ZNF704: variants seen among roughly 807,000 people sequenced by gnomAD.
The protein encoded by ZNF704 is glucocorticoid induced gene 1.
ZNF704 carries 10 observed loss-of-function variants against 44.7 expected under a neutral mutation model. The observed-to-expected ratio is 0.22, with a 90% CI of 0.14 to 0.38. The LOEUF (loss-of-function observed/expected upper bound fraction) is 0.38. Among genes scored for constraint, ZNF704 ranks in the 10% least tolerant of loss-of-function variants. The pLI, the probability that ZNF704 is intolerant of heterozygous loss-of-function variation, is 1.00. For synonymous variants in ZNF704, 211 were observed against 207.6 expected, an observed-to-expected ratio of 1.02 and a Z score of -0.14; for missense variants, 390 against 545.5, an observed-to-expected ratio of 0.71 and a Z score of 2.84.
In ZNF704 at chr8:80,718,446, AGTT is replaced by A. The variant is rs542225421; in HGVS notation, c.222-25342_222-25340del. Reference sequence around the variant, plus strand: ...TAGAGGTAGAGTATTCTTCCTCACCAGTTGTTGTTGGGGTTGGCTAGGGACTTG... The same window carrying A: ...TAGAGGTAGAGTATTCTTCCTCACCAGTTGTTGGGGTTGGCTAGGGACTTG... On this transcript the variant is annotated intron_variant, in intron 2 of 8. Transcript: ENST00000327835. 9.9e-5 allele frequency among the ~76,000 whole-genome samples: 15 copies of A among 152,206 alleles called. 1 individual carries two copies. In the East Asian group the frequency reaches 2.7e-3, roughly 27 times the overall value.
At chr8:80,808,770 T>C (rs1204601829) in intron 2 of ZNF704, among the ~76,000 whole-genome samples, 1 of 152,144 alleles carries the variant, frequency 6.6e-6, no homozygotes, top group Admixed American at 6.5e-5. Flanking sequence ...ATAATTGAGG[T>C]GATATTTTGA....
At chr8:80,807,076 C>G (rs1353553219) in intron 2 of ZNF704, among the ~76,000 whole-genome samples, 1 of 152,196 alleles carries the variant, frequency 6.6e-6, no homozygotes, top group Non-Finnish European at 1.5e-5. Context: ...CTCAGCTCAG[C>G]TGGGTATGAT....
Position 80,636,311 on chromosome 8 carries a change from G to T in ZNF704, c.*5055C>A, listed in dbSNP as rs954576049. The T allele has an allele frequency of 2.0e-5, 3 of 152,138 alleles. No homozygotes were observed. The highest frequency in any genetic ancestry group is 4.4e-5 in the Non-Finnish European group (3 of 68,010). 9.4% of individuals were successfully genotyped at this position (152,138 alleles called of 1,614,324 possible). A position where few individuals can be genotyped will look rare whatever the true frequency, so the allele number is the denominator to read the frequency against. Reference sequence around the variant, plus strand: ...AAAAAAGGAACTATTTACAAAACAGGACCAGAAGTAAAATTCCCATTTTGG... The same window carrying T: ...AAAAAAGGAACTATTTACAAAACAGTACCAGAAGTAAAATTCCCATTTTGG... On this transcript the variant is annotated 3_prime_UTR_variant, in exon 9 of 9. Coordinates refer to ENST00000327835, the MANE Select transcript of ZNF704 (RefSeq NM_001033723.3).
rs551911472 is a variant in ZNF704, at chr8:80,866,725, G to C, written c.-22+7846C>G. Among the ~76,000 whole-genome samples, 7 of 150,910 alleles carry C rather than the reference G, an allele frequency of 4.6e-5. No homozygotes were observed. The East Asian group carries it at 7.7e-4, about 17-fold the overall frequency. Reference sequence around the variant, plus strand: ...TCTAAGCCCCTCTTGCGGGGTTGGGGGGGGGATACATTAATCTAACTGGGA... The same window carrying C: ...TCTAAGCCCCTCTTGCGGGGTTGGGCGGGGGATACATTAATCTAACTGGGA... On this transcript the variant is annotated intron_variant, in intron 1 of 8. Transcript: ENST00000327835.
intron 7 of ZNF704, among the ~76,000 whole-genome samples, chr8:80,654,282 A>G (rs1316089313): frequency 6.6e-6 from 1 of 152,234 alleles, no homozygotes; most frequent in Non-Finnish European, 1.5e-5. Flanking sequence ...AGGCATGGAC[A>G]AGGACTTCAT....
At chr8:80,742,946 C>G (rs1018079914) in intron 2 of ZNF704, among the ~76,000 whole-genome samples, 2 of 152,062 alleles carry the variant, frequency 1.3e-5, no homozygotes, top group African/African-American at 4.8e-5. Flanking sequence ...CACCTTTAAA[C>G]ACAGGGCTTG....
At chr8:80,840,634 G>A (rs978917422) in intron 1 of ZNF704, among the ~76,000 whole-genome samples, 4 of 151,942 alleles carry the variant, frequency 2.6e-5, no homozygotes, top group African/African-American at 4.8e-5. Context: ...TCTATTCCCC[G>A]TCAGTCAAGT....
intron 1 of ZNF704, among the ~76,000 whole-genome samples, chr8:80,858,889 A>T (rs1298129398): frequency 4.6e-5 from 7 of 152,192 alleles, no homozygotes; most frequent in Non-Finnish European, 1.0e-4. Context: ...TATAGTGTAC[A>T]TTCATATTCA....
At chr8:80,650,828 A>T (rs563909635) in intron 7 of ZNF704, among the ~76,000 whole-genome samples, 11 of 152,276 alleles carry the variant, frequency 7.2e-5, no homozygotes, top group African/African-American at 2.6e-4. Context: ...CCACAAAGAT[A>T]CTCCTTGAGA....
intron 3 of ZNF704, among the ~76,000 whole-genome samples, chr8:80,687,786 G>A (rs1183462459): frequency 6.6e-6 from 1 of 152,118 alleles, no homozygotes; most frequent in East Asian, 1.9e-4. Context: ...ACTAAGTTTG[G>A]GGAGCTCTGG....
Position 80,738,803 on chromosome 8 carries a change from A to C in ZNF704, c.222-45696T>G, listed in dbSNP as rs1270218523. On this transcript the variant is annotated intron_variant, in intron 2 of 8. Transcript: ENST00000327835. Reference sequence around the variant, plus strand: ...GTACACAGGTACTCAGCAGATACTTATTGGCTGAAAAGAAAATGACTCTTC... The same window carrying C: ...GTACACAGGTACTCAGCAGATACTTCTTGGCTGAAAAGAAAATGACTCTTC... 5.3e-5 allele frequency among the ~76,000 whole-genome samples: 8 copies of C among 152,120 alleles called. No individual in the cohort carries two copies. In the East Asian group the frequency reaches 1.5e-3, roughly 29 times the overall value.
intron 7 of ZNF704, among the ~76,000 whole-genome samples, chr8:80,648,501 T>C (rs1194675602): frequency 6.6e-6 from 1 of 152,212 alleles, no homozygotes; most frequent in Admixed American, 6.5e-5. Context: ...CAACTACCAT[T>C]TATTCAGTGC....
At chr8:80,727,227 CACA>C (rs1806495971) in intron 2 of ZNF704, among the ~76,000 whole-genome samples, 1 of 152,178 alleles carries the variant, frequency 6.6e-6, no homozygotes, top group Non-Finnish European at 1.5e-5. Context: ...GGAAATCGCA[CACA>C]TTTCTCCCTT....
chr8:80,739,968 A>G (rs1806729673), intron 2 of ZNF704, among the ~76,000 whole-genome samples: 1 of 152,102 alleles, frequency 6.6e-6, no homozygotes, highest in Non-Finnish European at 1.5e-5. Flanking sequence ...AGCCCATGCC[A>G]TCACCCTCAC....
chr8:80,877,938 A>G (rs987029702), upstream of ZNF704, among the ~76,000 whole-genome samples: 15 of 152,248 alleles, frequency 9.9e-5, no homozygotes, highest in Admixed American at 6.5e-5. Flanking sequence ...ATTTCTTTAT[A>G]TTAAAACAGA....
intron 4 of ZNF704, among the ~76,000 whole-genome samples, chr8:80,685,731 G>T (rs537001827): frequency 2.0e-5 from 3 of 152,218 alleles, no homozygotes; most frequent in Non-Finnish European, 4.4e-5. Context: ...GGACAAAAAT[G>T]TCAGCCTTTT....
At chr8:80,732,105 A>G (rs1806591587) in intron 2 of ZNF704, among the ~76,000 whole-genome samples, 1 of 152,056 alleles carries the variant, frequency 6.6e-6, no homozygotes, top group African/African-American at 2.4e-5. Context: ...GTGCCTTGAG[A>G]TTTTTCATTG....
upstream of ZNF704, among the ~76,000 whole-genome samples, chr8:80,876,416 C>T (rs1005563177): frequency 3.3e-5 from 5 of 152,090 alleles, no homozygotes; most frequent in Non-Finnish European, 5.9e-5. Context: ...AATTTAGCTT[C>T]GTTGATTTGG....
At chr8:80,846,043 A>G (rs1808762214) in intron 1 of ZNF704, among the ~76,000 whole-genome samples, 1 of 152,312 alleles carries the variant, frequency 6.6e-6, no homozygotes, top group East Asian at 1.9e-4. Flanking sequence ...TGTGTATAAC[A>G]TTCAAGATTT....
Sources: gnomAD v4.1 joint callset for allele counts (sites outside exome capture counted in the v4.1 genomes callset) on GRCh38, gnomAD v4.1.1 for gene constraint, MANE v1.5 for transcripts, NCBI Gene and HGNC (gene_info 2026-07-23, HGNC 2026-07-21) for gene names.